Variants in CERT1 observed in about 807,000 individuals in gnomAD.
CERT1 encodes the protein ceramide transfer protein.
A neutral mutation model predicts 87.9 loss-of-function variants in CERT1; 31 were observed. The observed-to-expected ratio is 0.35, with a 90% CI of 0.27 to 0.48. CERT1 has a LOEUF of 0.48. Among genes scored for constraint, CERT1 ranks in the 20% least tolerant of loss-of-function variants. The pLI is 0.99. For missense variants in CERT1, 487 were observed against 758.0 expected (o/e 0.64, Z 4.20); for synonymous variants, 289 against 250.9 (o/e 1.15, Z -1.44).
At chr5:75,481,020 G>A (rs567519292) in intron 2 of CERT1, among the ~76,000 whole-genome samples, 6 of 152,182 alleles carry the variant, frequency 3.9e-5, no homozygotes, top group Admixed American at 2.6e-4. Flanking sequence ...CCTGTTGCAC[G>A]GATCAAATCA....
chr5:75,448,151 A>C (rs1037310751), intron 3 of CERT1, among the ~76,000 whole-genome samples: 10 of 152,188 alleles, frequency 6.6e-5, no homozygotes, highest in Non-Finnish European at 8.8e-5. Context: ...TAATCCATTC[A>C]ATTTCATTTT....
chr5:75,489,300 G>C (rs1239063910), intron 2 of CERT1, among the ~76,000 whole-genome samples: 2 of 152,144 alleles, frequency 1.3e-5, no homozygotes, highest in Non-Finnish European at 2.9e-5. Flanking sequence ...AACCCTAGAA[G>C]AAAACCTAGG....
At chr5:75,405,335 T>C (rs898779502) in intron 8 of CERT1, among the ~76,000 whole-genome samples, 2 of 152,142 alleles carry the variant, frequency 1.3e-5, no homozygotes, top group African/African-American at 4.8e-5. Context: ...CTGCCTATCC[T>C]TTAAATGTTG....
intron 2 of CERT1, among the ~76,000 whole-genome samples, chr5:75,477,550 G>A (rs975205450): frequency 8.7e-5 from 13 of 148,958 alleles, no homozygotes; most frequent in Non-Finnish European, 1.9e-4. Context: ...TTTTGTAACT[G>A]CCTTATTGCT....
chr5:75,456,041 C>A (rs553378468), intron 3 of CERT1, among the ~76,000 whole-genome samples: 1 of 151,994 alleles, frequency 6.6e-6, no homozygotes. Context: ...AGGATCAAGA[C>A]GATAATGCAT....
intron 2 of CERT1, among the ~76,000 whole-genome samples, chr5:75,462,251 C>A (rs1436226433): frequency 1.3e-5 from 2 of 151,912 alleles, no homozygotes; most frequent in South Asian, 2.1e-4. Context: ...AGGCAGCAGT[C>A]CACAAACTTT....
chr5:75,434,543 G>A (rs181938401), intron 3 of CERT1, among the ~76,000 whole-genome samples: 6 of 151,966 alleles, frequency 3.9e-5, no homozygotes, highest in Admixed American at 2.6e-4. Context: ...AATTTTTTCC[G>A]GAATAATTTC....
intron 6 of CERT1, among the ~76,000 whole-genome samples, chr5:75,419,124 G>A (rs1312683606): frequency 6.6e-6 from 1 of 152,194 alleles, no homozygotes; most frequent in Non-Finnish European, 1.5e-5. Context: ...TTCAGCAAAT[G>A]ATGCTGGGAC....
chr5:75,448,264 G>A (rs1037821405), intron 3 of CERT1, among the ~76,000 whole-genome samples: 7 of 152,110 alleles, frequency 4.6e-5, no homozygotes, highest in African/African-American at 1.7e-4. Context: ...AAAAGAACAA[G>A]GGGCTAAGAA....
Position 75,468,632 on chromosome 5 carries a change from GCCT to G in CERT1, c.232-9454_232-9452del, listed in dbSNP as rs1258511283. ...TCAGTCAAACCTCAGTAACAGGTAG[GCCT>G]CATGATTTTCAGATGCACCCCAGAG... is the stretch of plus-strand genomic sequence containing the variant. On this transcript the variant is annotated intron_variant, in intron 2 of 16. Coordinates refer to ENST00000643780, the MANE Select transcript of CERT1 (RefSeq NM_001379029.1). Among the ~76,000 whole-genome samples, 3 of 152,216 alleles carry G rather than the reference GCCT, an allele frequency of 2.0e-5. No individual in the cohort carries two copies. In the East Asian group the frequency reaches 5.8e-4, roughly 29 times the overall value.
chr5:75,432,844 G>A (rs148688243), intron 3 of CERT1, among the ~76,000 whole-genome samples: 1 of 152,200 alleles, frequency 6.6e-6, no homozygotes, highest in Non-Finnish European at 1.5e-5. Context: ...TTACATTTAT[G>A]TCTTTAATCC....
chr5:75,463,358 T>C (rs4704221), intron 2 of CERT1, among the ~76,000 whole-genome samples: 1 of 151,894 alleles, frequency 6.6e-6, no homozygotes, highest in East Asian at 1.9e-4. Flanking sequence ...GTTTTATCTA[T>C]GATTTCAACC....
chr5:75,393,816 T>A (rs571696282), intron 11 of CERT1, among the ~76,000 whole-genome samples: 295 of 151,180 alleles, frequency 2.0e-3, no homozygotes, highest in Non-Finnish European at 3.3e-3. Flanking sequence ...ATATAAAAAA[T>A]TAGCTGGGCG....
At chr5:75,427,666 T>G (rs1210609817) in intron 3 of CERT1, among the ~76,000 whole-genome samples, 1 of 152,216 alleles carries the variant, frequency 6.6e-6, no homozygotes, top group Non-Finnish European at 1.5e-5. Flanking sequence ...TTATATCCTT[T>G]GACAATATAT....
At chr5:75,371,175 A>G (rs1384043237) in intron 17 of CERT1, 1 of 152,188 alleles carries the variant, frequency 6.6e-6, no homozygotes, top group East Asian at 1.9e-4. Context: ...AACATGGAAG[A>G]TCCAACTTTA....
intron 3 of CERT1, among the ~76,000 whole-genome samples, chr5:75,441,419 A>G (rs1376561858): frequency 6.6e-6 from 1 of 152,230 alleles, no homozygotes; most frequent in Admixed American, 6.5e-5. Context: ...TATTTGTTAT[A>G]AGGATACACT....
At chr5:75,430,381 T>C (rs1443509574) in intron 3 of CERT1, among the ~76,000 whole-genome samples, 1 of 152,142 alleles carries the variant, frequency 6.6e-6, no homozygotes, top group Non-Finnish European at 1.5e-5. Context: ...GATGAAGGAA[T>C]ATAAACATTC....
At chr5:75,397,031 T>TA (rs1248776354) in intron 11 of CERT1, among the ~76,000 whole-genome samples, 1 of 152,214 alleles carries the variant, frequency 6.6e-6, no homozygotes, top group Admixed American at 6.5e-5. Flanking sequence ...GATCCTTTGA[T>TA]AATGGCTGAT....
chr5:75,455,051 C>T (rs925880849), intron 3 of CERT1, among the ~76,000 whole-genome samples: 8 of 152,140 alleles, frequency 5.3e-5, no homozygotes, highest in Admixed American at 2.6e-4. Flanking sequence ...CCGGTCTGAA[C>T]CACTACAGCT....
Sources: allele counts gnomAD v4.1 joint callset (sites outside exome capture counted in the v4.1 genomes callset), GRCh38; gene constraint gnomAD v4.1.1; transcripts MANE v1.5; gene names NCBI Gene and HGNC (gene_info 2026-07-23, HGNC 2026-07-21).